The following SCFD2 variants were observed in gnomAD, a reference collection of about 807,000 sequenced individuals.
SCFD2 encodes the protein sec1 family domain-containing protein 2.
SCFD2 carries 54 observed loss-of-function variants against 58.9 expected under a neutral mutation model. The ratio of observed to expected loss-of-function variants is 0.92; its 90% CI spans 0.74 to 1.15. The LOEUF is 1.15. Ranked by LOEUF, SCFD2 falls within the 50% of genes most tolerant of loss-of-function variation. The pLI, the probability that SCFD2 is intolerant of heterozygous loss-of-function variation, is 0.00. For missense variants in SCFD2, 805 were observed against 836.6 expected (o/e 0.96, Z 0.47); for synonymous variants, 321 against 335.9 (o/e 0.96, Z 0.49).
At chr4:52,991,387 GATTTCGAAGTCCAC>G (rs1721609872) in intron 5 of SCFD2, among the ~76,000 whole-genome samples, 3 of 152,278 alleles carry the variant, frequency 2.0e-5, no homozygotes, top group African/African-American at 7.2e-5. Flanking sequence ...CAGATATGTT[GATTTCGAAGTCCAC>G]ATTTTTGCCC....
intron 3 of SCFD2, among the ~76,000 whole-genome samples, chr4:53,307,912 G>T (rs780822730): frequency 6.6e-6 from 1 of 152,130 alleles, no homozygotes; most frequent in Non-Finnish European, 1.5e-5. Flanking sequence ...AAGCAGAAAC[G>T]AAGGAGAAGG....
At chr4:53,276,001 C>T (rs779062477) in intron 3 of SCFD2, among the ~76,000 whole-genome samples, 57 of 151,694 alleles carry the variant, frequency 3.8e-4, no homozygotes, top group Non-Finnish European at 1.8e-4. Context: ...CCTTCACAAA[C>T]ATCTGTGTAC....
intron 4 of SCFD2, among the ~76,000 whole-genome samples, chr4:53,230,748 G>A (rs557430071): frequency 2.6e-5 from 4 of 151,948 alleles, no homozygotes; most frequent in African/African-American, 9.7e-5. Context: ...TTGTGCACAT[G>A]TACCCTAAAA....
chr4:53,077,952 G>A (rs887308621), intron 5 of SCFD2, among the ~76,000 whole-genome samples: 31 of 152,048 alleles, frequency 2.0e-4, no homozygotes, highest in African/African-American at 4.3e-4. Flanking sequence ...AAAATTCTAC[G>A]TGAGAGCTTG....
intron 4 of SCFD2, among the ~76,000 whole-genome samples, chr4:53,148,957 C>T (rs2148916136): frequency 6.6e-6 from 1 of 152,306 alleles, no homozygotes; most frequent in Admixed American, 6.5e-5. Context: ...CTGCAGTGAG[C>T]TATGATTGTG....
intron 4 of SCFD2, among the ~76,000 whole-genome samples, chr4:53,226,519 T>C (rs1577864579): frequency 2.0e-5 from 3 of 152,256 alleles, no homozygotes; most frequent in Admixed American, 2.0e-4. Flanking sequence ...ATCAAATTAT[T>C]TAAAAAATTT....
intron 8 of SCFD2, among the ~76,000 whole-genome samples, chr4:52,877,978 G>A (rs1718518732): frequency 6.6e-6 from 1 of 152,096 alleles, no homozygotes; most frequent in Non-Finnish European, 1.5e-5. Context: ...TTCACACCTG[G>A]CACTTTGGGG....
chr4:52,997,234 A>G (rs1721761400), intron 5 of SCFD2, among the ~76,000 whole-genome samples: 1 of 152,116 alleles, frequency 6.6e-6, no homozygotes, highest in African/African-American at 2.4e-5. Context: ...ATGAGTTGTT[A>G]TTGTTGGCTC....
chr4:53,117,928 C>T (rs1338521748), intron 5 of SCFD2, among the ~76,000 whole-genome samples: 5 of 152,068 alleles, frequency 3.3e-5, no homozygotes, highest in South Asian at 2.1e-4. Context: ...AAAGACAAGG[C>T]GGTCTTTTCA....
chr4:52,929,174 T>C (rs1004344567), intron 5 of SCFD2, among the ~76,000 whole-genome samples: 1 of 152,172 alleles, frequency 6.6e-6, no homozygotes, highest in Non-Finnish European at 1.5e-5. Context: ...TTTGTGTTTA[T>C]TATTCTCCTT....
intron 5 of SCFD2, among the ~76,000 whole-genome samples, chr4:52,992,802 G>A (rs1015786257): frequency 1.1e-4 from 16 of 150,808 alleles, no homozygotes; most frequent in East Asian, 2.0e-4. Flanking sequence ...CAGCCGCCCC[G>A]TCCGGGAGGG....
At chr4:53,037,347 TAGTA>T (rs1380435038) in intron 5 of SCFD2, among the ~76,000 whole-genome samples, 3 of 152,274 alleles carry the variant, frequency 2.0e-5, no homozygotes, top group South Asian at 2.1e-4. Flanking sequence ...ATTCTCCAAA[TAGTA>T]AGAGAAGTTG....
chr4:53,155,868 T>C (rs1261459746), intron 4 of SCFD2, among the ~76,000 whole-genome samples: 2 of 152,224 alleles, frequency 1.3e-5, no homozygotes, highest in Non-Finnish European at 2.9e-5. Context: ...GTCCATGAGG[T>C]CAAAATTATT....
At chr4:53,340,687 T>G (rs1415358135) in intron 2 of SCFD2, among the ~76,000 whole-genome samples, 1 of 152,120 alleles carries the variant, frequency 6.6e-6, no homozygotes, top group Non-Finnish European at 1.5e-5. Context: ...CACCCCCGAG[T>G]AGCCCAACTG....
intron 7 of SCFD2, among the ~76,000 whole-genome samples, chr4:52,899,220 A>T (rs1235875680): frequency 6.6e-6 from 1 of 152,108 alleles, no homozygotes; most frequent in South Asian, 2.1e-4. Flanking sequence ...TTTGCTCTTT[A>T]GTTGATGCAG....
At chr4:53,209,560 C>T (rs779571686) in intron 4 of SCFD2, among the ~76,000 whole-genome samples, 3 of 152,102 alleles carry the variant, frequency 2.0e-5, no homozygotes, top group Non-Finnish European at 4.4e-5. Context: ...ATAGCTTCTG[C>T]TTCATTCTTT....
intron 2 of SCFD2, among the ~76,000 whole-genome samples, chr4:53,320,864 C>T (rs1465876344): frequency 6.6e-6 from 1 of 152,048 alleles, no homozygotes; most frequent in Non-Finnish European, 1.5e-5. Context: ...TCCCTTTTTT[C>T]TGTTTTTAAT....
At chr4:53,136,046 T>G (rs1280780607) in intron 5 of SCFD2, among the ~76,000 whole-genome samples, 2 of 152,216 alleles carry the variant, frequency 1.3e-5, no homozygotes, top group Non-Finnish European at 2.9e-5. Context: ...TTAAATAAAT[T>G]TATCTTTTAT....
intron 5 of SCFD2, among the ~76,000 whole-genome samples, chr4:53,005,514 A>C (rs1410811793): frequency 6.6e-6 from 1 of 152,192 alleles, no homozygotes; most frequent in African/African-American, 2.4e-5. Context: ...TAAATTAAAG[A>C]GACAGCTGTA....
Sources: gnomAD v4.1 joint callset for allele counts (sites outside exome capture counted in the v4.1 genomes callset) on GRCh38, gnomAD v4.1.1 for gene constraint, MANE v1.5 for transcripts, NCBI Gene and HGNC (gene_info 2026-07-23, HGNC 2026-07-21) for gene names.